Variants in GRIK4 observed in about 807,000 individuals in gnomAD.
GRIK4 encodes glutamate receptor ionotropic, kainate 4.
A neutral mutation model predicts 104.9 loss-of-function variants in GRIK4; 40 were observed. The observed-to-expected ratio is 0.38, with a 90% confidence interval of 0.30 to 0.50. GRIK4 has a LOEUF of 0.50. Among genes scored for constraint, GRIK4 ranks in the 20% least tolerant of loss-of-function variants. The pLI is 0.93. For synonymous variants in GRIK4, 485 were observed against 524.9 expected, an observed-to-expected ratio of 0.92 and a Z score of 1.04; for missense variants, 1,047 against 1,308.1, an observed-to-expected ratio of 0.80 and a Z score of 3.08.
intron 8 of GRIK4, among the ~76,000 whole-genome samples, chr11:120,852,273 C>T (rs981442334): frequency 3.9e-5 from 6 of 152,212 alleles, no homozygotes; most frequent in African/African-American, 1.4e-4. Flanking sequence ...TGGCCTCTGC[C>T]TTCCTCTTCC....
chr11:120,627,228 C>T (rs900080902), intron 1 of GRIK4, among the ~76,000 whole-genome samples: 1 of 152,214 alleles, frequency 6.6e-6, no homozygotes, highest in Admixed American at 6.5e-5. Flanking sequence ...CAAGTTAATC[C>T]AGTTCTTCCT....
intron 4 of GRIK4, among the ~76,000 whole-genome samples, chr11:120,814,945 G>GCCTGCCTT (rs1462371040): frequency 6.6e-6 from 1 of 152,176 alleles, no homozygotes; most frequent in East Asian, 1.9e-4. Flanking sequence ...CCGCCTGCCT[G>GCCTGCCTT]CCTGCCTTCC....
intron 4 of GRIK4, among the ~76,000 whole-genome samples, chr11:120,813,225 T>C (rs1331055747): frequency 2.6e-5 from 4 of 152,082 alleles, no homozygotes; most frequent in African/African-American, 7.2e-5. Context: ...GTCAGGAGAC[T>C]TGAATCCAGA....
chr11:120,635,658 G>A (rs1409098483), intron 1 of GRIK4, among the ~76,000 whole-genome samples: 1 of 152,250 alleles, frequency 6.6e-6, no homozygotes, highest in Non-Finnish European at 1.5e-5. Flanking sequence ...GGTGTGATGA[G>A]TGTTTGGAAA....
At chr11:120,881,487 T>A (rs1402849939) in intron 11 of GRIK4, among the ~76,000 whole-genome samples, 1 of 152,168 alleles carries the variant, frequency 6.6e-6, no homozygotes, top group African/African-American at 2.4e-5. Context: ...ACAGCCAGAC[T>A]TTTGTTTTCC....
At chr11:120,981,901 A>G (rs1944658492) in intron 19 of GRIK4, among the ~76,000 whole-genome samples, 1 of 152,082 alleles carries the variant, frequency 6.6e-6, no homozygotes, top group African/African-American at 2.4e-5. Flanking sequence ...CTTCCATTTT[A>G]TTTCAACTAT....
chr11:120,549,957 A>T lies in GRIK4; in HGVS notation c.-159+38070A>T, dbSNP rs1329571727. ...ACTCTTTATCATTTAAGGCAGTTTG[A>T]GTTGCGTTTTCTGTCACTTGCAAGG... On this transcript the variant is annotated intron_variant, in intron 1 of 20. Transcript: ENST00000527524. The surrounding 1 kb of genome is among the most constrained non-coding windows in gnomAD (Gnocchi z 4.7). Among the ~76,000 whole-genome samples, 3 of 152,308 alleles carry T rather than the reference A, an allele frequency of 2.0e-5. No individual in the cohort carries two copies. In the East Asian group the frequency reaches 5.8e-4, roughly 29 times the overall value.
intron 3 of GRIK4, among the ~76,000 whole-genome samples, chr11:120,756,930 C>T (rs1358611557): frequency 1.3e-5 from 2 of 152,230 alleles, no homozygotes; most frequent in Non-Finnish European, 2.9e-5. Flanking sequence ...CAGCTTGCCT[C>T]CTGCCTGAAG....
chr11:120,955,819 T>G (rs886209032), intron 15 of GRIK4, among the ~76,000 whole-genome samples: 1 of 152,066 alleles, frequency 6.6e-6, no homozygotes, highest in Non-Finnish European at 1.5e-5. Flanking sequence ...TCTTTTTTTT[T>G]TTTTGAAAGG....
At chr11:120,899,903 G>A (rs1175564201) in intron 12 of GRIK4, among the ~76,000 whole-genome samples, 1 of 152,228 alleles carries the variant, frequency 6.6e-6, no homozygotes, top group Non-Finnish European at 1.5e-5. Context: ...ACTGTGCAAG[G>A]TCTGCAAATG....
intron 3 of GRIK4, among the ~76,000 whole-genome samples, chr11:120,771,816 A>C (rs1453521057): frequency 6.6e-6 from 1 of 152,258 alleles, no homozygotes; most frequent in Non-Finnish European, 1.5e-5. Flanking sequence ...GCCTTCACCT[A>C]GATTTCAAAG....
chr11:120,834,488 C>T (rs890739095), intron 7 of GRIK4, among the ~76,000 whole-genome samples: 13 of 152,200 alleles, frequency 8.5e-5, no homozygotes, highest in African/African-American at 3.1e-4. Flanking sequence ...ATTTGCCTTC[C>T]CAATGGCCCA....
At chr11:120,579,784 C>T (rs994600994) in intron 1 of GRIK4, among the ~76,000 whole-genome samples, 2 of 152,142 alleles carry the variant, frequency 1.3e-5, no homozygotes, top group East Asian at 3.9e-4. Flanking sequence ...TAAAATTCCC[C>T]GTTTAGCATA....
In GRIK4 at chr11:120,986,559, T is replaced by C. The variant is rs1944758300; in HGVS notation, c.*299T>C. Reference sequence around the variant, plus strand: ...TTCCCTCTCGCCAAAATAACAAGAGTATAGGGTGGGGGGTCCCTACCCAGA... The same window carrying C: ...TTCCCTCTCGCCAAAATAACAAGAGCATAGGGTGGGGGGTCCCTACCCAGA... On this transcript the variant is annotated 3_prime_UTR_variant, in exon 21 of 21. Coordinates refer to ENST00000527524, the MANE Select transcript of GRIK4 (RefSeq NM_014619.5). The C allele has an allele frequency of 2.7e-6, 1 of 366,310 alleles. No individual in the cohort carries two copies. The highest frequency in any genetic ancestry group is 4.8e-6 in the Non-Finnish European group (1 of 206,384). The allele number at this position is 366,310 out of a possible 1,614,324, so 22.7% of individuals were successfully genotyped here. A position where few individuals can be genotyped will look rare whatever the true frequency, so the allele number is the denominator to read the frequency against.
intron 13 of GRIK4, among the ~76,000 whole-genome samples, chr11:120,909,665 A>G (rs1023243731): frequency 3.3e-5 from 5 of 152,212 alleles, no homozygotes; most frequent in African/African-American, 9.7e-5. Flanking sequence ...GAAGCAATGA[A>G]GGTTGATATA....
chr11:120,962,543 A>C lies in GRIK4; in HGVS notation c.2128A>C (p.Ile710Leu). The C allele has an allele frequency of 6.2e-7, 1 of 1,614,044 alleles. No individual in the cohort carries two copies. Among genetic ancestry groups the C allele is most frequent in the Non-Finnish European group, 8.5e-7 (1 of 1,179,934 alleles). The change falls in exon 18 of 21, where the codon ATC becomes CTC. Residue 710 changes from isoleucine (I) to leucine (L), a missense_variant. Physicochemically the swap from Ile to Leu is conservative, Grantham distance 5 (BLOSUM62 2). Transcript: ENST00000527524. ...GTTCGTGAAGAGCACAGAGGAGGGA[A>C]TCGCCAGGGTGTTGAATTCCAACTA... is the stretch of plus-strand genomic sequence containing the variant. Reference protein sequence around the residue: ...SVFVKSTEEGIARVLNSNYAF... With the variant: ...SVFVKSTEEGLARVLNSNYAF...
At chr11:120,908,586 G>A (rs1942923658) in intron 13 of GRIK4, among the ~76,000 whole-genome samples, 1 of 152,178 alleles carries the variant, frequency 6.6e-6, no homozygotes, top group Admixed American at 6.5e-5. Flanking sequence ...AGACACAGAG[G>A]TGAGGGAAAG....
At chr11:120,934,136 C>T (rs1286242606) in intron 13 of GRIK4, among the ~76,000 whole-genome samples, 1 of 134,894 alleles carries the variant, frequency 7.4e-6, no homozygotes, top group Admixed American at 8.6e-5. Context: ...ACCCGGGAGG[C>T]GGAGGTTGCA....
chr11:120,638,383 G>A (rs948486732), intron 1 of GRIK4, among the ~76,000 whole-genome samples: 1 of 152,174 alleles, frequency 6.6e-6, no homozygotes, highest in Non-Finnish European at 1.5e-5. Flanking sequence ...ACCTGCATGG[G>A]ATCACACAGC....
Sources: allele counts gnomAD v4.1 joint callset (sites outside exome capture counted in the v4.1 genomes callset), GRCh38; gene constraint gnomAD v4.1.1; non-coding constraint Gnocchi (gnomAD v3.1); transcripts MANE v1.5; gene names NCBI Gene and HGNC (gene_info 2026-07-23, HGNC 2026-07-21).